The following ANXA2 variants were observed in gnomAD, a reference collection of about 807,000 sequenced individuals.
ANXA2 encodes the protein annexin II.
ANXA2 carries 28 observed loss-of-function variants against 47.3 expected under a neutral mutation model. The observed-to-expected ratio is 0.59, with a 90% confidence interval of 0.44 to 0.81. ANXA2 has a LOEUF of 0.81. Among genes scored for constraint, ANXA2 ranks in the 40% least tolerant of loss-of-function variants. ANXA2 has a pLI of 0.00. For synonymous variants in ANXA2, 172 were observed against 155.5 expected (o/e 1.11, Z -0.79); for missense variants, 384 against 414.3 (o/e 0.93, Z 0.64).
rs1204204708 is a variant in ANXA2 at position 60,352,260 on chromosome 15, C to G, written c.682+123G>C. The G allele has an allele frequency of 1.6e-6, 1 of 639,560 alleles. No individual in the cohort carries two copies. The highest frequency in any genetic ancestry group is 2.8e-6 in the Non-Finnish European group (1 of 361,158). 39.6% of individuals were successfully genotyped at this position (639,560 alleles called of 1,614,324 possible). The stretch of plus-strand genomic sequence containing the variant: ...AGAAAGGTGAGGGAAAATGGGTGAG[C>G]CTATGAGAGTGCCAAGCGGAGACAG... On this transcript the variant is annotated intron_variant, in intron 9 of 12. Transcript: ENST00000451270. The surrounding 1 kb of genome is among the most constrained non-coding windows in gnomAD (Gnocchi z 4.2).
intron 11 of ANXA2, among the ~76,000 whole-genome samples, chr15:60,349,933 G>A (rs866376927): frequency 2.7e-3 from 42 of 15,634 alleles, no homozygotes; most frequent in African/African-American, 7.6e-3. Flanking sequence ...GGGGAAGGCA[G>A]GGAGGCAGGG....
chr15:60,382,376 A>T lies in ANXA2; in HGVS notation c.114T>A (p.Asp38Glu). ...KAYTNFDAER[D>E]ALNIETAIKT... ...TGATGGCTGTTTCAATGTTCAAAGCATCCCGCTCAGCATCAAAGTTAGTAT... is the reference window on the plus strand; with the variant it reads ...TGATGGCTGTTTCAATGTTCAAAGCTTCCCGCTCAGCATCAAAGTTAGTAT... The change falls in exon 3 of 13, where the codon GAT (aspartate) becomes GAA (glutamate). Residue 38 changes from aspartate (D) to glutamate (E), a missense_variant. By Grantham distance (45) the Asp-to-Glu change is conservative. Coordinates refer to ENST00000451270, the MANE Select transcript of ANXA2 (RefSeq NM_004039.3). 6.2e-7 allele frequency: 1 copy of T among 1,614,038 alleles called. No homozygotes were observed. The highest frequency in any genetic ancestry group is 8.5e-7 in the Non-Finnish European group (1 of 1,179,898).
At chr15:60,370,029 C>T (rs2062691460) in intron 3 of ANXA2, among the ~76,000 whole-genome samples, 1 of 152,124 alleles carries the variant, frequency 6.6e-6, no homozygotes, top group Non-Finnish European at 1.5e-5. Context: ...GAATTTAATC[C>T]AATTATCGGA....
chr15:60,372,784 C>T (rs568384392), intron 3 of ANXA2, among the ~76,000 whole-genome samples: 64 of 151,384 alleles, frequency 4.2e-4, no homozygotes, highest in African/African-American at 1.4e-3. Flanking sequence ...GCCTCGACCT[C>T]CTGGGCCCAA....
intron 2 of ANXA2, chr15:60,383,629 G>C (rs1250433937): frequency 1.3e-5 from 2 of 152,216 alleles, no homozygotes; most frequent in African/African-American, 4.8e-5. Flanking sequence ...CAAAGAGGAT[G>C]TACATTGTGG....
At chr15:60,377,468 G>T (rs77324190) in intron 3 of ANXA2, among the ~76,000 whole-genome samples, 2,859 of 152,228 alleles carry the variant, frequency 0.019, 93 homozygotes, top group African/African-American at 0.066. Flanking sequence ...ATACCTCGGA[G>T]ATACTACTGG....
At chr15:60,397,430 G>T in intron 1 of ANXA2, 1 of 577,910 alleles carries the variant, frequency 1.7e-6, no homozygotes. Context: ...GTCTTCCCCC[G>T]CTACTTCCCT....
intron 1 of ANXA2, among the ~76,000 whole-genome samples, chr15:60,395,155 G>C (rs796947643): frequency 5.9e-5 from 9 of 152,172 alleles, no homozygotes; most frequent in African/African-American, 2.2e-4. Context: ...CTCCCACCAA[G>C]TTTAGAAACT....
intron 1 of ANXA2, chr15:60,386,693 T>A (rs974654001): frequency 6.6e-6 from 1 of 152,282 alleles, no homozygotes; most frequent in African/African-American, 2.4e-5. Flanking sequence ...CTGTTGTATT[T>A]AAGATTTGAA....
At chr15:60,350,493 C>T (rs376430471) in intron 11 of ANXA2, among the ~76,000 whole-genome samples, 219 of 152,224 alleles carry the variant, frequency 1.4e-3, no homozygotes, top group African/African-American at 4.3e-3. Flanking sequence ...AGCGAAGGCA[C>T]CAAGGGGTGC....
chr15:60,357,453 G>C (rs1210535458), intron 5 of ANXA2, among the ~76,000 whole-genome samples: 2 of 152,056 alleles, frequency 1.3e-5, no homozygotes, highest in African/African-American at 4.8e-5. Flanking sequence ...CAAGATGGTG[G>C]AACTGGCATG....
intron 3 of ANXA2, among the ~76,000 whole-genome samples, chr15:60,368,300 A>G (rs1009497600): frequency 2.4e-4 from 14 of 58,846 alleles, no homozygotes; most frequent in African/African-American, 8.4e-4. Context: ...ACACCCAAGA[A>G]TGATCAATAA....
chr15:60,383,804 G>A (rs2062897433), intron 2 of ANXA2: 1 of 151,614 alleles, frequency 6.6e-6, no homozygotes, highest in Admixed American at 6.6e-5. Context: ...CAAGATCCGT[G>A]AGTTACTTCT....
At chr15:60,376,935 G>A (rs1050871421) in intron 3 of ANXA2, among the ~76,000 whole-genome samples, 2 of 152,240 alleles carry the variant, frequency 1.3e-5, no homozygotes, top group African/African-American at 4.8e-5. Context: ...CATGGAGTGG[G>A]TAGCGTCCCG....
At chr15:60,364,766 G>C (rs1225614483) in intron 3 of ANXA2, among the ~76,000 whole-genome samples, 4 of 151,852 alleles carry the variant, frequency 2.6e-5, no homozygotes, top group African/African-American at 9.7e-5. Flanking sequence ...AAATACTTGT[G>C]GTTTAAAAAC....
At chr15:60,381,435 G>C (rs2078015988) in intron 3 of ANXA2, among the ~76,000 whole-genome samples, 1 of 152,130 alleles carries the variant, frequency 6.6e-6, no homozygotes, top group Admixed American at 6.6e-5. Flanking sequence ...AGGGATTCAG[G>C]GGATGGGACA....
rs112589422 is a variant in ANXA2, at chr15:60,350,664, G to T, written c.837+529C>A. ...GGAAGAGGTGGTTCGTTTAGGGAAG[G>T]GTTGTGGGGCTGTCTTTGGGGTCTG... On this transcript the variant is annotated intron_variant, in intron 11 of 12. Coordinates refer to ENST00000451270, the MANE Select transcript of ANXA2 (RefSeq NM_004039.3). 6.0e-3 allele frequency among the ~76,000 whole-genome samples: 911 copies of T among 152,314 alleles called. 5 individuals carry two copies. The highest frequency in any genetic ancestry group is 0.015 in the Admixed American group (235 of 15,300).
intron 5 of ANXA2, among the ~76,000 whole-genome samples, chr15:60,358,846 A>G (rs2062471565): frequency 6.6e-6 from 1 of 152,254 alleles, no homozygotes; most frequent in Non-Finnish European, 1.5e-5. Context: ...GACATTGTAG[A>G]ATTGCAAGAC....
chr15:60,351,369 G>T, intron 10 of ANXA2, 118 bp from the exon 11 acceptor site: 1 of 1,019,154 alleles, frequency 9.8e-7, no homozygotes, highest in Non-Finnish European at 1.5e-6. Context: ...AATGGAAAAG[G>T]GCTGCAAAAT....
Sources: gnomAD v4.1 joint callset for allele counts (sites outside exome capture counted in the v4.1 genomes callset) on GRCh38, gnomAD v4.1.1 for gene constraint, Gnocchi (gnomAD v3.1) non-coding constraint, MANE v1.5 for transcripts, NCBI Gene and HGNC (gene_info 2026-07-23, HGNC 2026-07-21) for gene names.